The following ATXN1 variants were observed in gnomAD, a reference collection of about 807,000 sequenced individuals.
ATXN1 encodes ataxin 1, also known as ataxin-1.
In ATXN1, 8 loss-of-function variants were observed where a neutral mutation model predicts 56.4. That is an observed-to-expected ratio of 0.14 (90% confidence interval 0.08 to 0.26). The LOEUF (loss-of-function observed/expected upper bound fraction) is 0.26. Ranked by LOEUF, ATXN1 falls within the 10% of genes least tolerant of loss-of-function variation. The pLI is 1.00. For synonymous variants in ATXN1, 514 were observed against 494.6 expected (o/e 1.04, Z -0.52); for missense variants, 987 against 1,106.5 (o/e 0.89, Z 1.53).
intron 3 of ATXN1, among the ~76,000 whole-genome samples, chr6:16,590,867 A>AC (rs1762710211): frequency 6.7e-6 from 1 of 149,570 alleles, no homozygotes; most frequent in African/African-American, 2.5e-5. Flanking sequence ...TTTGAAACAT[A>AC]GTTTCACTCC....
chr6:16,474,864 ACT>A (rs33939841), intron 6 of ATXN1, among the ~76,000 whole-genome samples: 26 of 148,934 alleles, frequency 1.7e-4, no homozygotes, highest in African/African-American at 6.2e-4. Flanking sequence ...ACACACACAC[ACT>A]CTCTCTCTCT....
chr6:16,601,622 G>A (rs933777756), intron 3 of ATXN1, among the ~76,000 whole-genome samples: 29 of 152,252 alleles, frequency 1.9e-4, no homozygotes, highest in African/African-American at 5.5e-4. Flanking sequence ...AGGCCGAGGC[G>A]GGCGGACCAT....
chr6:16,372,047 A>T (rs1342917912), intron 6 of ATXN1, among the ~76,000 whole-genome samples: 1 of 152,276 alleles, frequency 6.6e-6, no homozygotes, highest in Non-Finnish European at 1.5e-5. Context: ...CATGTATGTG[A>T]TATTGTTGAT....
At chr6:16,620,236 TTCTC>T (rs67943406) in intron 3 of ATXN1, among the ~76,000 whole-genome samples, 25 of 146,560 alleles carry the variant, frequency 1.7e-4, no homozygotes, top group Admixed American at 7.6e-4. Context: ...CACATACATA[TTCTC>T]TCTCTCTCTC....
intron 2 of ATXN1, among the ~76,000 whole-genome samples, chr6:16,750,518 G>A (rs1020370563): frequency 2.0e-5 from 3 of 152,196 alleles, no homozygotes; most frequent in African/African-American, 7.2e-5. Context: ...GGACTGTAAT[G>A]AGGCCATTAT....
chr6:16,381,316 C>T (rs1242258556), intron 6 of ATXN1, among the ~76,000 whole-genome samples: 1 of 152,098 alleles, frequency 6.6e-6, no homozygotes, highest in Non-Finnish European at 1.5e-5. Context: ...TGGACTCAGG[C>T]ACACAGGCAG....
chr6:16,598,608 G>A (rs546750425), intron 3 of ATXN1, among the ~76,000 whole-genome samples: 4 of 152,218 alleles, frequency 2.6e-5, no homozygotes, highest in South Asian at 4.1e-4. Flanking sequence ...GCAGCCACTC[G>A]GACACTGGTT....
intron 4 of ATXN1, among the ~76,000 whole-genome samples, chr6:16,559,509 A>G (rs533091460): frequency 1.1e-4 from 16 of 152,246 alleles, no homozygotes; most frequent in Non-Finnish European, 2.2e-4. Flanking sequence ...ACACACTGTT[A>G]GGTGAAAAGA....
chr6:16,403,423 T>C (rs1758621885), intron 6 of ATXN1, among the ~76,000 whole-genome samples: 1 of 152,212 alleles, frequency 6.6e-6, no homozygotes, highest in Admixed American at 6.5e-5. Flanking sequence ...TAATCTCAGC[T>C]CACTTCAGCC....
At chr6:16,425,282 T>C (rs1036775041) in intron 6 of ATXN1, among the ~76,000 whole-genome samples, 8 of 152,260 alleles carry the variant, frequency 5.3e-5, no homozygotes, top group Non-Finnish European at 1.0e-4. Flanking sequence ...CCACGTTGTT[T>C]ACCAAAAGTA....
At chr6:16,511,107 A>ATT (rs3840418) in intron 5 of ATXN1, among the ~76,000 whole-genome samples, 1 of 150,854 alleles carries the variant, frequency 6.6e-6, no homozygotes, top group African/African-American at 2.4e-5. Context: ...AAAGCTTTTG[A>ATT]TTTTTTTTTT....
chr6:16,644,109 T>C (rs1763757749), intron 3 of ATXN1, among the ~76,000 whole-genome samples: 2 of 152,158 alleles, frequency 1.3e-5, no homozygotes, highest in African/African-American at 2.4e-5. Flanking sequence ...GAATGGAGTG[T>C]TATTGTCTAA....
rs534390706 is a variant in ATXN1, at chr6:16,456,550, T to A, written c.-161+29422A>T. Among the ~76,000 whole-genome samples the A allele has an allele frequency of 2.6e-5, 4 of 152,214 alleles. No homozygotes were observed. The South Asian group carries it at 8.3e-4, about 32-fold the overall frequency. ...TCGACAGAGAGGAAAGCCATTCAGC[T>A]CCGGGGTCTCAACAAAAAGTTGGTT... On this transcript the variant is annotated intron_variant, in intron 6 of 7. Transcript: ENST00000436367.
chr6:16,521,037 G>T (rs934978971), intron 5 of ATXN1, among the ~76,000 whole-genome samples: 1 of 152,138 alleles, frequency 6.6e-6, no homozygotes, highest in Non-Finnish European at 1.5e-5. Context: ...CCACTCCCTA[G>T]GTGAGATGAA....
At chr6:16,374,494 T>C (rs1236732382) in intron 6 of ATXN1, among the ~76,000 whole-genome samples, 1 of 152,198 alleles carries the variant, frequency 6.6e-6, no homozygotes, top group African/African-American at 2.4e-5. Flanking sequence ...AATGATAACC[T>C]GCATCTACCA....
chr6:16,594,316 C>T (rs1762776568), intron 3 of ATXN1, among the ~76,000 whole-genome samples: 3 of 150,502 alleles, frequency 2.0e-5, no homozygotes, highest in Admixed American at 1.3e-4. Context: ...CACTGTTAAA[C>T]AATAGTGCCA....
intron 6 of ATXN1, among the ~76,000 whole-genome samples, chr6:16,422,613 T>A (rs1759060342): frequency 6.6e-6 from 1 of 152,166 alleles, no homozygotes; most frequent in African/African-American, 2.4e-5. Flanking sequence ...GCAGCAGTAT[T>A]AATTGTTCCT....
rs1200763797 is a variant in ATXN1, at chr6:16,302,397, C to T, written c.*3932G>A. 6.6e-6 allele frequency: 1 copy of T among 152,572 alleles called. No individual in the cohort carries two copies. Among genetic ancestry groups the T allele is most frequent in the Non-Finnish European group, 1.5e-5 (1 of 68,022 alleles). 9.5% of individuals were successfully genotyped at this position (152,572 alleles called of 1,614,324 possible). On this transcript the variant is annotated 3_prime_UTR_variant, in exon 8 of 8. Coordinates refer to ENST00000436367, the MANE Select transcript of ATXN1 (RefSeq NM_001128164.2). ...AACAACAACAGAAATCAAATCATCCCAAACTAAACTGGGTGAGTTAGGGAA... is the reference window on the plus strand; with the variant it reads ...AACAACAACAGAAATCAAATCATCCTAAACTAAACTGGGTGAGTTAGGGAA...
At chr6:16,469,984 A>T (rs1391010810) in intron 6 of ATXN1, among the ~76,000 whole-genome samples, 1 of 151,508 alleles carries the variant, frequency 6.6e-6, no homozygotes, top group Non-Finnish European at 1.5e-5. Flanking sequence ...AGAAAAAGAG[A>T]GAGTTGATGA....
Sources: allele counts gnomAD v4.1 joint callset (sites outside exome capture counted in the v4.1 genomes callset), GRCh38; gene constraint gnomAD v4.1.1; transcripts MANE v1.5; gene names NCBI Gene and HGNC (gene_info 2026-07-23, HGNC 2026-07-21).